The following ZNF385D variants were observed in gnomAD, a reference collection of about 807,000 sequenced individuals.
ZNF385D encodes zinc finger protein 385D.
ZNF385D carries 15 observed loss-of-function variants against 35.8 expected under a neutral mutation model. That is an observed-to-expected ratio of 0.42 (90% confidence interval 0.28 to 0.64). The LOEUF (loss-of-function observed/expected upper bound fraction) is 0.64, where lower values mean the gene tolerates loss of function less well. Among genes scored for constraint, ZNF385D ranks in the 30% least tolerant of loss-of-function variants. The pLI is 0.23. For missense variants in ZNF385D, 474 were observed against 494.6 expected (o/e 0.96, Z 0.39); for synonymous variants, 212 against 186.8 (o/e 1.13, Z -1.10).
Position 22,140,514 on chromosome 3 carries a change from A to G in ZNF385D, c.325+28303T>C, listed in dbSNP as rs1432511547. Among the ~76,000 whole-genome samples, 3 of 152,186 alleles carry G rather than the reference A, an allele frequency of 2.0e-5. No individual in the cohort carries two copies. The South Asian group carries it at 6.2e-4, about 32-fold the overall frequency. On this transcript the variant is annotated intron_variant, in intron 3 of 5. Coordinates refer to the ZNF385D transcript ENST00000494108. ...AAATGTATCTATGTGATAAAATTTC[A>G]TAGAACTATACCCCCCCAAAAACAT...
At chr3:21,966,374 A>G (rs777290336) in intron 3 of ZNF385D, among the ~76,000 whole-genome samples, 1 of 152,230 alleles carries the variant, frequency 6.6e-6, no homozygotes, top group Non-Finnish European at 1.5e-5. Context: ...TTCATTTCCT[A>G]CCATACCTGA....
At chr3:21,777,611 G>A (rs1257766697) in intron 3 of ZNF385D, 1 of 151,900 alleles carries the variant, frequency 6.6e-6, no homozygotes, top group Non-Finnish European at 1.5e-5. Context: ...TGCTTACATA[G>A]ATCTTCCCAT....
intron 1 of ZNF385D, among the ~76,000 whole-genome samples, chr3:21,672,847 A>G (rs540551142): frequency 6.6e-6 from 1 of 152,242 alleles, no homozygotes; most frequent in East Asian, 1.9e-4. Context: ...CTAGAAGAAA[A>G]ACGGGATCTC....
intron 3 of ZNF385D, among the ~76,000 whole-genome samples, chr3:21,880,541 C>T (rs546490144): frequency 2.0e-5 from 3 of 152,022 alleles, no homozygotes; most frequent in East Asian, 3.9e-4. Context: ...ATCCACCGGT[C>T]GACCCATGTC....
chr3:22,182,734 T>C (rs529089481), intron 2 of ZNF385D, among the ~76,000 whole-genome samples: 8 of 152,124 alleles, frequency 5.3e-5, no homozygotes, highest in Admixed American at 1.3e-4. Flanking sequence ...TAGAACTAAG[T>C]CTAGACTGTT....
chr3:21,757,120 C>CTTTTTTTTTTTTTTTTTTTTTTTTT lies in ZNF385D; in HGVS notation c.326-92093_326-92092insAAAAAAAAAAAAAAAAAAAAAAAAA, dbSNP rs61226426. 3.6e-4 allele frequency among the ~76,000 whole-genome samples: 38 copies of CTTTTTTTTTTTTTTTTTTTTTTTTT among 106,400 alleles called. 2 individuals are homozygous for CTTTTTTTTTTTTTTTTTTTTTTTTT. Among genetic ancestry groups the CTTTTTTTTTTTTTTTTTTTTTTTTT allele is most frequent in the African/African-American group, 1.0e-3 (28 of 27,868 alleles). The allele number at this position is 106,400 out of a possible 152,430, so 69.8% of individuals were successfully genotyped here. A position where few individuals can be genotyped will look rare whatever the true frequency, so the allele number is the denominator to read the frequency against. ...CTTTGGAGACATATGATAAATTTCT[C>CTTTTTTTTTTTTTTTTTTTTTTTTT]TTTTTTTTTTTTTTTTTTTGTTTTC... On this transcript the variant is annotated intron_variant, in intron 3 of 5. Transcript: ENST00000494108.
chr3:22,085,065 C>A (rs1056289411), intron 3 of ZNF385D, among the ~76,000 whole-genome samples: 1 of 152,214 alleles, frequency 6.6e-6, no homozygotes, highest in East Asian at 1.9e-4. Context: ...CTCTGCGACA[C>A]ATTTAAAGCA....
chr3:21,933,488 G>A (rs187140362), intron 3 of ZNF385D, among the ~76,000 whole-genome samples: 1 of 152,168 alleles, frequency 6.6e-6, no homozygotes, highest in Non-Finnish European at 1.5e-5. Context: ...TGTGAAAAAG[G>A]CCAATGCTTC....
chr3:21,968,135 T>A (rs913051117), intron 3 of ZNF385D, among the ~76,000 whole-genome samples: 1 of 152,044 alleles, frequency 6.6e-6, no homozygotes, highest in Non-Finnish European at 1.5e-5. Flanking sequence ...GGACTTCACA[T>A]TGGAATTCAG....
intron 3 of ZNF385D, among the ~76,000 whole-genome samples, chr3:22,088,192 G>A (rs1701144187): frequency 6.6e-6 from 1 of 152,152 alleles, no homozygotes; most frequent in Non-Finnish European, 1.5e-5. Context: ...CATGATATTA[G>A]GCTGCAAGGC....
At chr3:21,561,205 C>G (rs897253404) in intron 3 of ZNF385D, among the ~76,000 whole-genome samples, 2 of 152,152 alleles carry the variant, frequency 1.3e-5, no homozygotes, top group African/African-American at 4.8e-5. Flanking sequence ...AAAGAAAACT[C>G]CTTCACGTAG....
At chr3:21,543,510 T>G (rs1392877843) in intron 3 of ZNF385D, among the ~76,000 whole-genome samples, 1 of 151,956 alleles carries the variant, frequency 6.6e-6, no homozygotes, top group African/African-American at 2.4e-5. Context: ...GGCCTAAGGG[T>G]CCCGCACAGC....
At chr3:22,366,726 T>A (rs1432013924) in intron 2 of ZNF385D, among the ~76,000 whole-genome samples, 4 of 152,160 alleles carry the variant, frequency 2.6e-5, no homozygotes. Flanking sequence ...GATAACCTTA[T>A]TTGGAAAAAG....
intron 3 of ZNF385D, among the ~76,000 whole-genome samples, chr3:21,820,839 C>G (rs1024872319): frequency 6.8e-6 from 1 of 147,990 alleles, no homozygotes; most frequent in South Asian, 2.2e-4. Context: ...CAGAAGTCAC[C>G]GAGACAGTAA....
At chr3:22,371,314 C>A (rs1575220566) in intron 2 of ZNF385D, among the ~76,000 whole-genome samples, 2 of 152,154 alleles carry the variant, frequency 1.3e-5, no homozygotes, top group East Asian at 1.9e-4. Context: ...ACAGACTCAG[C>A]AGAACAGAGA....
intron 3 of ZNF385D, among the ~76,000 whole-genome samples, chr3:22,145,016 G>GTGTA (rs912605970): frequency 6.7e-6 from 1 of 149,934 alleles, no homozygotes; most frequent in Non-Finnish European, 1.5e-5. Context: ...ACATATGTGT[G>GTGTA]TGTGTGTGTG....
chr3:22,164,216 CTTTTTTTTTTTTTT>C lies in ZNF385D; in HGVS notation c.325+4587_325+4600del, dbSNP rs571978176. On this transcript the variant is annotated intron_variant, in intron 3 of 5. Coordinates refer to the ZNF385D transcript ENST00000494108. ...CACTATAGGTAATACAAAAGGAGCA[CTTTTTTTTTTTTTT>C]TTTTTTTTTTTTTTTTTGAGACGGG... Among the ~76,000 whole-genome samples the C allele has an allele frequency of 6.7e-5, 5 of 74,910 alleles. No individual in the cohort carries two copies. The South Asian group carries it at 2.1e-3, about 32-fold the overall frequency. 49.1% of individuals were successfully genotyped at this position (74,910 alleles called of 152,430 possible).
At position 21,768,136 on chromosome 3, in the gene ZNF385D, G is replaced by A. The variant is rs1235757559; in HGVS notation, c.326-103108C>T. On this transcript the variant is annotated intron_variant, in intron 3 of 5. Transcript: ENST00000494108. ...ACACAAATGAATGCACTAAATGAGA[G>A]AATCCCCAGGCCATTCCTGTCATGG... Among the ~76,000 whole-genome samples the A allele has an allele frequency of 2.0e-5, 3 of 152,130 alleles. No homozygotes were observed. In the East Asian group the frequency reaches 5.8e-4, roughly 30 times the overall value.
intron 1 of ZNF385D, among the ~76,000 whole-genome samples, chr3:21,735,703 T>C (rs2069209777): frequency 6.6e-6 from 1 of 152,202 alleles, no homozygotes; most frequent in Non-Finnish European, 1.5e-5. Flanking sequence ...TTAATTTTTG[T>C]TGCTTCGACA....
Sources: allele counts gnomAD v4.1 joint callset (sites outside exome capture counted in the v4.1 genomes callset), GRCh38; gene constraint gnomAD v4.1.1; transcripts MANE v1.5; gene names NCBI Gene and HGNC (gene_info 2026-07-23, HGNC 2026-07-21).